Variants in EPSTI1 observed in about 807,000 individuals in gnomAD.
The protein encoded by EPSTI1 is epithelial stromal interaction 1.
A neutral mutation model predicts 49.9 loss-of-function variants in EPSTI1; 66 were observed. That is an observed-to-expected ratio of 1.32 (90% confidence interval 1.08 to 1.62). The LOEUF is 1.62. Among genes scored for constraint, EPSTI1 ranks in the 40% most tolerant of loss-of-function variants. The probability of loss-of-function intolerance (pLI) is 0.00; values close to 1 mark genes in which losing one functional copy is unlikely to be tolerated. For synonymous variants in EPSTI1, 137 were observed against 130.7 expected (o/e 1.05, Z -0.33); for missense variants, 394 against 365.5 (o/e 1.08, Z -0.64).
At chr13:42,989,485 C>A (rs1381768695) in intron 1 of EPSTI1, among the ~76,000 whole-genome samples, 1 of 144,658 alleles carries the variant, frequency 6.9e-6, no homozygotes, top group East Asian at 2.1e-4. Context: ...CAAAACAAGA[C>A]AAATCTTTTA....
chr13:42,900,458 T>G, intron 8 of EPSTI1, 75 bp from the exon 9 acceptor site: 1 of 1,351,358 alleles, frequency 7.4e-7, no homozygotes, highest in South Asian at 1.2e-5. Flanking sequence ...ATCAATTACA[T>G]ATTTAAACCT....
intron 10 of EPSTI1, chr13:42,889,087 G>T: frequency 1.3e-6 from 1 of 779,870 alleles, no homozygotes; most frequent in Non-Finnish European, 2.2e-6. Context: ...TTGCCTCATT[G>T]GTCATAGGAA....
At position 42,913,795 on chromosome 13, in the gene EPSTI1, G is replaced by A. The variant is rs181492742; in HGVS notation, c.741+3746C>T. On this transcript the variant is annotated intron_variant, in intron 8 of 10. Coordinates refer to ENST00000313624, the MANE Select transcript of EPSTI1 (RefSeq NM_033255.5). ...CATTAGTATTATGGTTTGGCTCTGT[G>A]TCCCCAGCCAAACCTCATGTTGAAT... Among the ~76,000 whole-genome samples, 295 of 152,304 alleles carry A rather than the reference G, an allele frequency of 1.9e-3. 1 individual carries two copies. Among genetic ancestry groups the A allele is most frequent in the African/African-American group, 6.5e-3 (269 of 41,572 alleles).
At chr13:42,925,481 C>T (rs999616584) in intron 7 of EPSTI1, among the ~76,000 whole-genome samples, 2 of 152,032 alleles carry the variant, frequency 1.3e-5, no homozygotes, top group Admixed American at 6.6e-5. Context: ...GTCTGGGTGG[C>T]GCTACTGGCC....
intron 1 of EPSTI1, among the ~76,000 whole-genome samples, chr13:42,982,542 C>T (rs181684828): frequency 7.9e-5 from 12 of 152,298 alleles, no homozygotes; most frequent in Admixed American, 5.9e-4. Flanking sequence ...GGGTCCGGAT[C>T]AGGACCCCTT....
chr13:42,946,654 C>A (rs2038926961), intron 6 of EPSTI1, among the ~76,000 whole-genome samples: 1 of 152,146 alleles, frequency 6.6e-6, no homozygotes, highest in Non-Finnish European at 1.5e-5. Flanking sequence ...AAGTCAACTG[C>A]CCAAGTCTTT....
At chr13:42,973,729 T>C (rs990406314) in intron 1 of EPSTI1, among the ~76,000 whole-genome samples, 1 of 152,244 alleles carries the variant, frequency 6.6e-6, no homozygotes, top group Admixed American at 6.5e-5. Flanking sequence ...CTTTGCTGTT[T>C]TAACCTATGT....
intron 3 of EPSTI1, among the ~76,000 whole-genome samples, chr13:42,968,581 A>G (rs2039679589): frequency 6.6e-6 from 1 of 152,176 alleles, no homozygotes. Flanking sequence ...CCTGCTCCAG[A>G]GGCCCAGAGG....
intron 3 of EPSTI1, among the ~76,000 whole-genome samples, chr13:42,967,466 C>T (rs73470185): frequency 2.6e-4 from 39 of 152,246 alleles, no homozygotes; most frequent in African/African-American, 9.2e-4. Flanking sequence ...ACAAATGGCC[C>T]ACATTCACAG....
At chr13:42,976,377 A>C (rs1332852537) in intron 1 of EPSTI1, among the ~76,000 whole-genome samples, 2 of 152,126 alleles carry the variant, frequency 1.3e-5, no homozygotes, top group Non-Finnish European at 2.9e-5. Flanking sequence ...TAAATAAATA[A>C]CTCTAAGAAA....
chr13:42,955,282 G>GT (rs1566153314), intron 5 of EPSTI1, among the ~76,000 whole-genome samples: 1 of 152,136 alleles, frequency 6.6e-6, no homozygotes, highest in African/African-American at 2.4e-5. Flanking sequence ...GGACTGGGGG[G>GT]TCGTGGTGGA....
intron 3 of EPSTI1, 70 bp downstream of exon 3, chr13:42,969,024 T>C (rs911800406): frequency 1.4e-6 from 2 of 1,458,624 alleles, no homozygotes; most frequent in Admixed American, 1.7e-5. Context: ...GACAGACATA[T>C]GCAAGCTGCT....
Position 42,901,689 on chromosome 13 carries a change from A to G in EPSTI1, c.742-1306T>C, listed in dbSNP as rs968660569. Reference sequence around the variant, plus strand: ...TCCTGTCCTCTCCCTCGTCTCCACAATCATTTTCAATTCCTGCATGTGGTT... The same window carrying G: ...TCCTGTCCTCTCCCTCGTCTCCACAGTCATTTTCAATTCCTGCATGTGGTT... On this transcript the variant is annotated intron_variant, in intron 8 of 10. Coordinates refer to ENST00000313624, the MANE Select transcript of EPSTI1 (RefSeq NM_033255.5). 2.6e-4 allele frequency among the ~76,000 whole-genome samples: 39 copies of G among 152,194 alleles called. 1 individual carries two copies. The highest frequency in any genetic ancestry group is 1.8e-3 in the Admixed American group (28 of 15,284).
intron 1 of EPSTI1, among the ~76,000 whole-genome samples, chr13:42,989,567 CTTTTTTT>C: frequency 1.3e-4 from 10 of 79,020 alleles, no homozygotes; most frequent in East Asian, 3.6e-4. Context: ...CCTCTTTTTT[CTTTTTTT>C]TTTTTTTTTG....
At chr13:42,894,300 T>C (rs1854606920) in intron 10 of EPSTI1, among the ~76,000 whole-genome samples, 1 of 152,216 alleles carries the variant, frequency 6.6e-6, no homozygotes, top group Admixed American at 6.5e-5. Context: ...GATGTGTGTA[T>C]ATAAAGGGAG....
chr13:42,956,823 G>A (rs773801877), intron 5 of EPSTI1, among the ~76,000 whole-genome samples: 2 of 152,166 alleles, frequency 1.3e-5, no homozygotes, highest in African/African-American at 2.4e-5. Context: ...ATTGAACAAC[G>A]TTTATAGAGA....
intron 7 of EPSTI1, among the ~76,000 whole-genome samples, chr13:42,921,002 T>C (rs2037976613): frequency 6.6e-6 from 1 of 151,944 alleles, no homozygotes. Context: ...AAAAAGGTAG[T>C]CACAGATAAC....
chr13:42,968,972 C>T lies in EPSTI1; in HGVS notation c.331+122G>A, dbSNP rs978666217. The T allele has an allele frequency of 1.3e-5, 11 of 826,882 alleles. No homozygotes were observed. In the Admixed American group the frequency reaches 2.4e-4, roughly 18 times the overall value. The allele number at this position is 826,882 out of a possible 1,614,324, so 51.2% of individuals were successfully genotyped here. A position where few individuals can be genotyped will look rare whatever the true frequency, so the allele number is the denominator to read the frequency against. ...CACACACAATTAAATGCATTCCACC[C>T]AAGCAGCACAATGACCAAACAAACT... On this transcript the variant is annotated intron_variant, in intron 3 of 10. Transcript: ENST00000313624.
chr13:42,978,984 T>C (rs1003413606), intron 1 of EPSTI1, among the ~76,000 whole-genome samples: 1 of 152,174 alleles, frequency 6.6e-6, no homozygotes, highest in African/African-American at 2.4e-5. Context: ...ATTCTTTCCT[T>C]TGAATAATAA....
Sources: gnomAD v4.1 joint callset for allele counts (sites outside exome capture counted in the v4.1 genomes callset) on GRCh38, gnomAD v4.1.1 for gene constraint, MANE v1.5 for transcripts, NCBI Gene and HGNC (gene_info 2026-07-23, HGNC 2026-07-21) for gene names.